Variants in PTPRT observed in about 807,000 individuals in gnomAD.
PTPRT encodes the protein receptor-type tyrosine-protein phosphatase T.
PTPRT carries 56 observed loss-of-function variants against 176.8 expected under a neutral mutation model. That is an observed-to-expected ratio of 0.32 (90% CI 0.26 to 0.40). PTPRT has a LOEUF of 0.40. Ranked by LOEUF, PTPRT falls within the 10% of genes least tolerant of loss-of-function variation. The pLI, the probability that PTPRT is intolerant of heterozygous loss-of-function variation, is 1.00. For synonymous variants in PTPRT, 783 were observed against 739.0 expected (o/e 1.06, Z -0.96); for missense variants, 1,540 against 1,908.2 (o/e 0.81, Z 3.60).
At chr20:42,364,833 G>A (rs2063225900) in intron 9 of PTPRT, among the ~76,000 whole-genome samples, 1 of 152,158 alleles carries the variant, frequency 6.6e-6, no homozygotes, top group South Asian at 2.1e-4. Context: ...GGAAACTGAG[G>A]CTCAGAGAGG....
chr20:42,163,032 A>C (rs912401182), intron 16 of PTPRT, among the ~76,000 whole-genome samples: 1 of 152,192 alleles, frequency 6.6e-6, no homozygotes, highest in Non-Finnish European at 1.5e-5. Context: ...AGTCATGGGC[A>C]CACAGGAATG....
chr20:43,142,050 C>T (rs1447327678), intron 1 of PTPRT, among the ~76,000 whole-genome samples: 1 of 152,226 alleles, frequency 6.6e-6, no homozygotes, highest in Non-Finnish European at 1.5e-5. Flanking sequence ...TTCAGCTCTT[C>T]TACATGCCAT....
chr20:42,663,573 G>A (rs2075263556), intron 7 of PTPRT, among the ~76,000 whole-genome samples: 1 of 152,052 alleles, frequency 6.6e-6, no homozygotes, highest in Non-Finnish European at 1.5e-5. Flanking sequence ...AGGGGCTCAT[G>A]TGCTCTTTTT....
At chr20:43,183,334 T>G (rs1003889300) in intron 1 of PTPRT, among the ~76,000 whole-genome samples, 1 of 152,174 alleles carries the variant, frequency 6.6e-6, no homozygotes, top group Non-Finnish European at 1.5e-5. Context: ...GGACCAGGCT[T>G]GACAATTTAC....
chr20:42,605,045 G>A (rs575865245), intron 7 of PTPRT, among the ~76,000 whole-genome samples: 91 of 152,302 alleles, frequency 6.0e-4, no homozygotes, highest in South Asian at 8.3e-4. Context: ...AGTCTCTGTC[G>A]GTTGGAGAGG....
At chr20:42,601,840 C>T (rs1361835061) in intron 7 of PTPRT, among the ~76,000 whole-genome samples, 1 of 152,112 alleles carries the variant, frequency 6.6e-6, no homozygotes, top group Non-Finnish European at 1.5e-5. Context: ...TTCCCAAGAA[C>T]ATCTCTGGCA....
chr20:42,424,677 T>G (rs2145781041), intron 9 of PTPRT, among the ~76,000 whole-genome samples: 1 of 152,102 alleles, frequency 6.6e-6, no homozygotes, highest in East Asian at 1.9e-4. Context: ...TGCAGTGAAA[T>G]TACAGCAAAT....
chr20:42,268,021 G>A (rs575442494), intron 13 of PTPRT, among the ~76,000 whole-genome samples: 10 of 152,256 alleles, frequency 6.6e-5, no homozygotes, highest in South Asian at 2.1e-4. Flanking sequence ...CACTCACTCC[G>A]AATGCCAGCC....
chr20:43,019,948 C>T (rs1005814378), intron 1 of PTPRT, among the ~76,000 whole-genome samples: 31 of 151,938 alleles, frequency 2.0e-4, no homozygotes, highest in Non-Finnish European at 3.4e-4. Flanking sequence ...TAGTAACACC[C>T]TCGGCTTCTT....
Position 42,803,536 on chromosome 20 carries a change from G to A in PTPRT, c.215-12070C>T, listed in dbSNP as rs1465565519. On this transcript the variant is annotated intron_variant, in intron 2 of 30. Transcript: ENST00000373187. Reference sequence around the variant, plus strand: ...GCACTGTAGCATGGGTCCAGAGCCTGTGCTTTTTTAATTATTTATTATTTA... The same window carrying A: ...GCACTGTAGCATGGGTCCAGAGCCTATGCTTTTTTAATTATTTATTATTTA... Among the ~76,000 whole-genome samples, 3 of 152,198 alleles carry A rather than the reference G, an allele frequency of 2.0e-5. No individual in the cohort carries two copies. In the East Asian group the frequency reaches 5.8e-4, roughly 29 times the overall value.
intron 20 of PTPRT, among the ~76,000 whole-genome samples, chr20:42,119,271 C>T (rs578227171): frequency 8.5e-5 from 13 of 152,080 alleles, no homozygotes; most frequent in South Asian, 4.1e-4. Context: ...TCTTACCAAG[C>T]GTAACAGTTT....
chr20:42,681,759 A>T (rs918439462), intron 6 of PTPRT, among the ~76,000 whole-genome samples: 1 of 152,176 alleles, frequency 6.6e-6, no homozygotes, highest in Non-Finnish European at 1.5e-5. Flanking sequence ...GAAGGAGGGC[A>T]TTCGAGAATA....
chr20:42,771,250 C>A (rs567611399), intron 5 of PTPRT, among the ~76,000 whole-genome samples, 185 bp downstream of exon 5: 194 of 152,300 alleles, frequency 1.3e-3, no homozygotes, highest in African/African-American at 4.5e-3. Context: ...CAAGCCCAGA[C>A]CTCTCCCGCC....
At chr20:42,578,243 T>C (rs1260745000) in intron 7 of PTPRT, among the ~76,000 whole-genome samples, 3 of 152,110 alleles carry the variant, frequency 2.0e-5, no homozygotes, top group African/African-American at 7.2e-5. Context: ...AGGGATTCAC[T>C]CCTTTTGCTT....
At chr20:42,622,557 G>T (rs2074218772) in intron 7 of PTPRT, among the ~76,000 whole-genome samples, 1 of 152,112 alleles carries the variant, frequency 6.6e-6, no homozygotes, top group Non-Finnish European at 1.5e-5. Flanking sequence ...AATTTTAAGG[G>T]AGGCATTTAC....
intron 1 of PTPRT, among the ~76,000 whole-genome samples, chr20:43,008,120 G>C (rs1368620245): frequency 6.6e-6 from 1 of 152,244 alleles, no homozygotes. Flanking sequence ...TAAATGTTTA[G>C]GTCCCCTCAA....
At chr20:42,999,714 A>G (rs1407713254) in intron 1 of PTPRT, among the ~76,000 whole-genome samples, 1 of 151,900 alleles carries the variant, frequency 6.6e-6, no homozygotes, top group Non-Finnish European at 1.5e-5. Context: ...GGCTGAGGCC[A>G]GAGGATCACT....
intron 1 of PTPRT, among the ~76,000 whole-genome samples, chr20:43,054,194 T>C (rs1987149430): frequency 6.6e-6 from 1 of 152,108 alleles, no homozygotes; most frequent in Non-Finnish European, 1.5e-5. Context: ...TAGGGACTGG[T>C]AGAGAAGAGT....
At chr20:43,127,251 A>C (rs542784734) in intron 1 of PTPRT, among the ~76,000 whole-genome samples, 1 of 151,762 alleles carries the variant, frequency 6.6e-6, no homozygotes, top group African/African-American at 2.4e-5. Flanking sequence ...GTGAAACCCT[A>C]TCTCTACTAA....
Sources: gnomAD v4.1 joint callset for allele counts (sites outside exome capture counted in the v4.1 genomes callset) on GRCh38, gnomAD v4.1.1 for gene constraint, MANE v1.5 for transcripts, NCBI Gene and HGNC (gene_info 2026-07-23, HGNC 2026-07-21) for gene names.